The following PCCA variants were observed in gnomAD, a reference collection of about 807,000 sequenced individuals.
PCCA encodes propionyl-CoA carboxylase subunit alpha, also known as propionyl-CoA carboxylase alpha chain, mitochondrial.
PCCA carries 74 observed loss-of-function variants against 101.3 expected under a neutral mutation model. The ratio of observed to expected loss-of-function variants is 0.73; its 90% confidence interval spans 0.61 to 0.89. The LOEUF (loss-of-function observed/expected upper bound fraction) is 0.89, where lower values mean the gene tolerates loss of function less well. Ranked by LOEUF, PCCA falls within the 40% of genes least tolerant of loss-of-function variation. The probability of loss-of-function intolerance (pLI) is 0.00; values close to 1 mark genes in which losing one functional copy is unlikely to be tolerated. For synonymous variants in PCCA, 294 were observed against 313.6 expected, an observed-to-expected ratio of 0.94 and a Z score of 0.66; for missense variants, 891 against 907.0, an observed-to-expected ratio of 0.98 and a Z score of 0.23.
intron 18 of PCCA, among the ~76,000 whole-genome samples, chr13:100,356,851 A>G (rs1351016314): frequency 6.6e-6 from 1 of 152,196 alleles, no homozygotes; most frequent in Non-Finnish European, 1.5e-5. Flanking sequence ...TAGTAAATAA[A>G]ATGTGATACG....
intron 18 of PCCA, among the ~76,000 whole-genome samples, chr13:100,355,819 T>C (rs1424419848): frequency 6.6e-6 from 1 of 152,104 alleles, no homozygotes; most frequent in African/African-American, 2.4e-5. Context: ...TGCTTTTGCA[T>C]TGTAAAAGAG....
At chr13:100,399,035 A>G (rs1056942484) in intron 19 of PCCA, among the ~76,000 whole-genome samples, 4 of 152,136 alleles carry the variant, frequency 2.6e-5, no homozygotes, top group Non-Finnish European at 4.4e-5. Context: ...ATTTGAAGAA[A>G]TACAATCAAA....
intron 2 of PCCA, 71 bp from the exon 3 acceptor site, chr13:100,111,770 G>T (rs2152278223): frequency 1.1e-6 from 1 of 938,268 alleles, no homozygotes; most frequent in Non-Finnish European, 1.7e-6. Flanking sequence ...GGAAAAACTT[G>T]GTGTTTTTTG....
chr13:100,525,869 GGA>G (rs1035482496), intron 22 of PCCA, among the ~76,000 whole-genome samples: 1 of 152,230 alleles, frequency 6.6e-6, no homozygotes, highest in African/African-American at 2.4e-5. Flanking sequence ...TCCTCCACCT[GGA>G]GAGAGAACAG....
intron 19 of PCCA, among the ~76,000 whole-genome samples, chr13:100,375,061 AT>A (rs1219440006): frequency 6.6e-6 from 1 of 152,068 alleles, no homozygotes; most frequent in East Asian, 1.9e-4. Context: ...ATTCTGGTAC[AT>A]TGTGTCTTTG....
At chr13:100,425,531 A>T in intron 19 of PCCA, 102 bp from the exon 20 acceptor site, 1 of 782,846 alleles carries the variant, frequency 1.3e-6, no homozygotes, top group Non-Finnish European at 2.3e-6. Context: ...GTTGTTTGGG[A>T]GCCATCTGTT....
intron 19 of PCCA, among the ~76,000 whole-genome samples, chr13:100,381,743 G>A (rs1380540736): frequency 2.6e-5 from 4 of 152,204 alleles, no homozygotes; most frequent in Admixed American, 6.5e-5. Context: ...GCACACGAGC[G>A]AAGGAGGCGG....
At chr13:100,232,351 C>CGTGTGCGTGT (rs1555387984) in intron 7 of PCCA, among the ~76,000 whole-genome samples, 10,193 of 131,118 alleles carry the variant, frequency 0.078, 557 homozygotes, top group East Asian at 0.1. Flanking sequence ...TGTGTGTATG[C>CGTGTGCGTGT]GTGTGTGTGT....
At chr13:100,245,449 A>T (rs2061380476) in intron 8 of PCCA, among the ~76,000 whole-genome samples, 2 of 152,188 alleles carry the variant, frequency 1.3e-5, no homozygotes. Context: ...CTCTCCTGTC[A>T]CTTTAAACAA....
intron 10 of PCCA, among the ~76,000 whole-genome samples, chr13:100,265,560 G>A (rs531443765): frequency 6.6e-6 from 1 of 152,006 alleles, no homozygotes; most frequent in African/African-American, 2.4e-5. Context: ...TTCCCCCTAC[G>A]GACACCTACG....
At chr13:100,483,487 C>G (rs1285941567) in intron 21 of PCCA, among the ~76,000 whole-genome samples, 1 of 152,198 alleles carries the variant, frequency 6.6e-6, no homozygotes, top group African/African-American at 2.4e-5. Flanking sequence ...ATTGGGAGTT[C>G]TGCTGCTCAG....
intron 2 of PCCA, among the ~76,000 whole-genome samples, chr13:100,107,330 C>A (rs1271939481): frequency 1.3e-5 from 2 of 152,060 alleles, no homozygotes; most frequent in African/African-American, 4.8e-5. Context: ...TGGATCAAGA[C>A]CATTAAGTTT....
intron 21 of PCCA, among the ~76,000 whole-genome samples, chr13:100,489,654 A>G (rs1274017639): frequency 6.6e-6 from 1 of 152,250 alleles, no homozygotes; most frequent in Non-Finnish European, 1.5e-5. Context: ...AAGTGACGGA[A>G]TGGCCGGCCA....
chr13:100,268,532 C>A (rs751416126), intron 10 of PCCA, 157 bp from the exon 11 acceptor site: 1 of 724,158 alleles, frequency 1.4e-6, no homozygotes, highest in South Asian at 1.5e-5. Flanking sequence ...TATAGTTTTC[C>A]TTTGTTAACA....
intron 16 of PCCA, among the ~76,000 whole-genome samples, chr13:100,319,103 T>G (rs1326633531): frequency 6.6e-6 from 1 of 152,256 alleles, no homozygotes; most frequent in East Asian, 1.9e-4. Flanking sequence ...GAGCATTTTT[T>G]CATTTGTCTG....
intron 16 of PCCA, among the ~76,000 whole-genome samples, chr13:100,329,509 G>T (rs2069222687): frequency 6.6e-6 from 1 of 152,140 alleles, no homozygotes; most frequent in Admixed American, 6.5e-5. Flanking sequence ...AGAAGTTGCT[G>T]AAGAACTCAG....
rs115941861 is a variant in PCCA, at chr13:100,529,363, C to T, written c.2119-735C>T. Among the ~76,000 whole-genome samples, 525 of 152,290 alleles carry T rather than the reference C, an allele frequency of 3.4e-3. 1 individual carries two copies. Among genetic ancestry groups the T allele is most frequent in the African/African-American group, 0.012 (510 of 41,564 alleles). ...CAGCATCTGCAGTGGCCGATGAGTTCTAATCCATTTTTCATTTTCAGGCCC... is the reference window on the plus strand; with the variant it reads ...CAGCATCTGCAGTGGCCGATGAGTTTTAATCCATTTTTCATTTTCAGGCCC... On this transcript the variant is annotated intron_variant, in intron 23 of 23. Coordinates refer to ENST00000376285, the MANE Select transcript of PCCA (RefSeq NM_000282.4).
At chr13:100,471,525 G>A (rs1185971483) in intron 21 of PCCA, among the ~76,000 whole-genome samples, 2 of 152,170 alleles carry the variant, frequency 1.3e-5, no homozygotes, top group African/African-American at 4.8e-5. Flanking sequence ...ACACAATAGA[G>A]TGAAGCCTAA....
chr13:100,486,863 G>A (rs1176178346), intron 21 of PCCA, among the ~76,000 whole-genome samples: 1 of 152,196 alleles, frequency 6.6e-6, no homozygotes, highest in Non-Finnish European at 1.5e-5. Context: ...AGGCTGCAGT[G>A]AGCTGTGATC....
Sources: gnomAD v4.1 joint callset for allele counts (sites outside exome capture counted in the v4.1 genomes callset) on GRCh38, gnomAD v4.1.1 for gene constraint, MANE v1.5 for transcripts, NCBI Gene and HGNC (gene_info 2026-07-23, HGNC 2026-07-21) for gene names.